The following SHISA9 variants were observed in gnomAD, a reference collection of about 807,000 sequenced individuals.
SHISA9 encodes shisa family member 9, also known as protein shisa-9.
Under a neutral mutation model 38.0 loss-of-function variants are expected in SHISA9, and 13 were observed. The ratio of observed to expected loss-of-function variants is 0.34; its 90% CI spans 0.22 to 0.54. SHISA9 has a LOEUF of 0.54. SHISA9 is among the 20% of genes least tolerant of loss of function. SHISA9 has a pLI of 0.91. For synonymous variants in SHISA9, 275 were observed against 242.0 expected (o/e 1.14, Z -1.27); for missense variants, 538 against 575.8 (o/e 0.93, Z 0.67).
At chr16:13,490,243 G>T in the SHISA9 span, among the ~76,000 whole-genome samples, 29 of 152,172 alleles carry the variant, frequency 1.9e-4, no homozygotes, top group Non-Finnish European at 3.8e-4. Flanking sequence ...ATGCTGACTG[G>T]AATGTTGGGT....
At chr16:13,160,673 A>C (rs1228557466) in intron 2 of SHISA9, among the ~76,000 whole-genome samples, 2 of 152,220 alleles carry the variant, frequency 1.3e-5, no homozygotes, top group African/African-American at 4.8e-5. Flanking sequence ...TCTTTGGGGC[A>C]GGTTGGGACC....
chr16:13,418,829 C>G, the SHISA9 span, among the ~76,000 whole-genome samples: 1 of 152,340 alleles, frequency 6.6e-6, no homozygotes, highest in African/African-American at 2.4e-5. Context: ...CACTGATACC[C>G]TCAGCCAGCT....
chr16:13,389,939 C>T, the SHISA9 span, among the ~76,000 whole-genome samples: 18 of 152,260 alleles, frequency 1.2e-4, no homozygotes, highest in African/African-American at 4.1e-4. Context: ...TCTCCATTCT[C>T]CATTCTTTTT....
the SHISA9 span, among the ~76,000 whole-genome samples, chr16:13,558,284 G>A: frequency 1.3e-5 from 2 of 152,210 alleles, no homozygotes; most frequent in South Asian, 4.1e-4. Context: ...CCACATCTCT[G>A]GGTGCAAATA....
At chr16:13,366,995 AAAAAAAG>A in the SHISA9 span, among the ~76,000 whole-genome samples, 2 of 151,740 alleles carry the variant, frequency 1.3e-5, no homozygotes, top group South Asian at 4.2e-4. Context: ...AAAAAAAAAA[AAAAAAAG>A]AAGAAGAATC....
chr16:13,171,591 T>G (rs1331796666), intron 2 of SHISA9, among the ~76,000 whole-genome samples: 1 of 151,798 alleles, frequency 6.6e-6, no homozygotes, highest in Non-Finnish European at 1.5e-5. Flanking sequence ...GAAATAGTAC[T>G]TGCCAGGGTT....
chr16:13,100,337 A>G lies in SHISA9; in HGVS notation c.692-103057A>G, dbSNP rs116210352. 4.3e-3 allele frequency among the ~76,000 whole-genome samples: 662 copies of G among 152,280 alleles called. 4 individuals carry two copies. Among genetic ancestry groups the G allele is most frequent in the African/African-American group, 0.015 (626 of 41,546 alleles). On this transcript the variant is annotated intron_variant, in intron 2 of 4. Transcript: ENST00000558583. ...TTTATTTATTTTTTTGAGTAGGTCAATTGGGACCTGGCATTAGAAAATTGT... is the reference window on the plus strand; with the variant it reads ...TTTATTTATTTTTTTGAGTAGGTCAGTTGGGACCTGGCATTAGAAAATTGT...
At chr16:13,173,022 C>T (rs1047536160) in intron 2 of SHISA9, among the ~76,000 whole-genome samples, 2 of 152,064 alleles carry the variant, frequency 1.3e-5, no homozygotes, top group Non-Finnish European at 2.9e-5. Context: ...TATAATGATG[C>T]TTTAATGACC....
At chr16:12,923,331 C>T (rs976701812) in intron 2 of SHISA9, among the ~76,000 whole-genome samples, 1 of 152,176 alleles carries the variant, frequency 6.6e-6, no homozygotes, top group Admixed American at 6.5e-5. Context: ...GAGTTTGAGA[C>T]CAGTCTGGCC....
the SHISA9 span, among the ~76,000 whole-genome samples, chr16:13,409,426 A>C: frequency 6.6e-6 from 1 of 152,236 alleles, no homozygotes; most frequent in Non-Finnish European, 1.5e-5. Context: ...AGCCATCTGC[A>C]GACAGCAAGG....
At chr16:13,406,754 C>T in the SHISA9 span, among the ~76,000 whole-genome samples, 1 of 152,138 alleles carries the variant, frequency 6.6e-6, no homozygotes, top group African/African-American at 2.4e-5. Flanking sequence ...ATCACTAAGC[C>T]TTCACATGTT....
intron 2 of SHISA9, among the ~76,000 whole-genome samples, chr16:13,051,749 T>C (rs1035050492): frequency 6.6e-6 from 1 of 151,844 alleles, no homozygotes; most frequent in African/African-American, 2.4e-5. Flanking sequence ...TGTACAGTTC[T>C]TGAGTTTTTA....
downstream of SHISA9, among the ~76,000 whole-genome samples, chr16:13,244,667 T>C (rs1343363299): frequency 6.6e-6 from 1 of 152,114 alleles, no homozygotes; most frequent in Non-Finnish European, 1.5e-5. Flanking sequence ...ACTGAGGGAG[T>C]CAAAAGCTGT....
chr16:13,302,483 T>G, the SHISA9 span, among the ~76,000 whole-genome samples: 1 of 152,288 alleles, frequency 6.6e-6, no homozygotes, highest in East Asian at 1.9e-4. Context: ...AATCAGGCCC[T>G]TAGTTGCAAT....
At chr16:13,225,402 G>A (rs2142079070) in intron 4 of SHISA9, among the ~76,000 whole-genome samples, 1 of 152,364 alleles carries the variant, frequency 6.6e-6, no homozygotes, top group African/African-American at 2.4e-5. Context: ...GTATGGAGCA[G>A]AGGAGGGTGC....
chr16:13,179,124 C>T (rs1024503607), intron 2 of SHISA9, among the ~76,000 whole-genome samples: 1 of 152,084 alleles, frequency 6.6e-6, no homozygotes, highest in African/African-American at 2.4e-5. Context: ...ATTTCTAGAC[C>T]AGCCAATATG....
At chr16:13,142,739 G>C (rs948095908) in intron 2 of SHISA9, among the ~76,000 whole-genome samples, 2 of 152,100 alleles carry the variant, frequency 1.3e-5, no homozygotes, top group African/African-American at 4.8e-5. Context: ...ATTTCACAGA[G>C]TGGGGGGGAT....
At chr16:13,283,268 A>G in the SHISA9 span, among the ~76,000 whole-genome samples, 2 of 151,700 alleles carry the variant, frequency 1.3e-5, no homozygotes, top group African/African-American at 4.8e-5. Flanking sequence ...GCTAACTTCC[A>G]CCTCCTAACT....
At chr16:13,406,708 C>T in the SHISA9 span, among the ~76,000 whole-genome samples, 4 of 152,310 alleles carry the variant, frequency 2.6e-5, no homozygotes, top group South Asian at 8.3e-4. Context: ...GACCTCATCA[C>T]TTTCTAGGTG....
Sources: gnomAD v4.1 joint callset for allele counts (sites outside exome capture counted in the v4.1 genomes callset) on GRCh38, gnomAD v4.1.1 for gene constraint, MANE v1.5 for transcripts, NCBI Gene and HGNC (gene_info 2026-07-23, HGNC 2026-07-21) for gene names.